The following SATL1 variants were observed in gnomAD, a reference collection of about 807,000 sequenced individuals.
SATL1 encodes the protein spermidine/spermine N(1)-acetyltransferase-like protein 1.
SATL1 carries 47 observed loss-of-function variants against 51.8 expected under a neutral mutation model. That is an observed-to-expected ratio of 0.91 (90% CI 0.72 to 1.16). The LOEUF (loss-of-function observed/expected upper bound fraction) is 1.16. SATL1 is among the 50% of genes most tolerant of loss of function. The probability of loss-of-function intolerance (pLI) is 0.00; values close to 1 mark genes in which losing one functional copy is unlikely to be tolerated. For missense variants in SATL1, 520 were observed against 526.4 expected (o/e 0.99, Z 0.12); for synonymous variants, 176 against 182.4 (o/e 0.97, Z 0.28).
chrX:85,119,037 C>T lies in SATL1; in HGVS notation c.-312-9757G>A, dbSNP rs764937515. Among the ~76,000 whole-genome samples the T allele has an allele frequency of 1.1e-4, 12 of 111,569 alleles. No homozygotes were observed. The South Asian group carries it at 4.1e-3, about 38-fold the overall frequency. The stretch of plus-strand genomic sequence containing the variant: ...TACTTATTAAACATTAAGTATGTGC[C>T]AAGCTGTTTGAGGCAATGCCAAACA... On this transcript the variant is annotated intron_variant, in intron 2 of 7. Transcript: ENST00000644105.
chrX:85,228,060 T>G (rs1483606401), intron 1 of SATL1, among the ~76,000 whole-genome samples: 2 of 111,130 alleles, frequency 1.8e-5, no homozygotes, highest in Non-Finnish European at 3.8e-5. Context: ...AGTTGGGTGA[T>G]GAGAGCATGG....
intron 2 of SATL1, among the ~76,000 whole-genome samples, chrX:85,174,599 A>G (rs2147736567): frequency 9.0e-6 from 1 of 111,522 alleles, no homozygotes; most frequent in African/African-American, 3.3e-5. Flanking sequence ...GTGGGATTAC[A>G]TGTGTAAGCC....
chrX:85,094,502 G>A (rs1924635422), intron 5 of SATL1, among the ~76,000 whole-genome samples: 1 of 111,676 alleles, frequency 9.0e-6, no homozygotes, highest in Non-Finnish European at 1.9e-5. Context: ...CCTGTGCTTT[G>A]GGAGGCCAAG....
At chrX:85,101,833 T>C (rs1279766654) in intron 4 of SATL1, among the ~76,000 whole-genome samples, 2 of 110,863 alleles carry the variant, frequency 1.8e-5, no homozygotes, top group African/African-American at 3.3e-5. Context: ...TGGAATGTTA[T>C]TCAGCTTTGA....
In SATL1 at chrX:85,109,286, A is replaced by G. The variant is rs1925197920; in HGVS notation, c.-312-6T>C. ...GGTTGTCATCTGGCCTTTCCCTGCC[A>G]AAAGGGGGGAAGTAAAGGGAAGACG... is the stretch of plus-strand genomic sequence containing the variant. On this transcript the variant is annotated splice_polypyrimidine_tract_variant and splice_region_variant and intron_variant, in intron 2 of 7. Transcript: ENST00000644105. The G allele has an allele frequency of 3.1e-6, 1 of 320,648 alleles. No individual in the cohort carries two copies. The highest frequency in any genetic ancestry group is 5.4e-5 in the East Asian group (1 of 18,388). 26.4% of individuals were successfully genotyped at this position (320,648 alleles called of 1,213,427 possible).
At chrX:85,187,686 T>TGA (rs1927343180) in intron 2 of SATL1, among the ~76,000 whole-genome samples, 1 of 111,798 alleles carries the variant, frequency 8.9e-6, no homozygotes, top group Non-Finnish European at 1.9e-5. Flanking sequence ...TCATGGTGTA[T>TGA]TACCTTTTTG....
intron 6 of SATL1, 117 bp from the exon 7 acceptor site, chrX:85,093,342 G>A (rs1924587148): frequency 1.4e-6 from 1 of 702,196 alleles, no homozygotes; most frequent in South Asian, 3.3e-5. Context: ...ATTATTAATA[G>A]CTTCTGGAAA....
intron 2 of SATL1, among the ~76,000 whole-genome samples, chrX:85,132,566 GT>G (rs1438377629): frequency 9.0e-6 from 1 of 111,183 alleles, no homozygotes. Flanking sequence ...TTTTTTCAAG[GT>G]TTTTAGCTTG....
intron 2 of SATL1, among the ~76,000 whole-genome samples, chrX:85,166,711 A>T (rs1303237534): frequency 1.8e-5 from 2 of 110,696 alleles, no homozygotes; most frequent in East Asian, 5.7e-4. Context: ...TATGGAAAAC[A>T]GTATGGAGAC....
intron 2 of SATL1, among the ~76,000 whole-genome samples, chrX:85,139,568 T>C (rs1382768066): frequency 9.0e-6 from 1 of 111,310 alleles, no homozygotes; most frequent in Admixed American, 9.6e-5. Flanking sequence ...CAAGAATTCA[T>C]TTAAGGCCAT....
At position 85,108,318 on chromosome X, in the gene SATL1, G is replaced by T; in HGVS notation, c.651C>A (p.Gly217=). ...VPSHPDMSQP[G]MSQQVPSQPG... ...GTTGGCTGGGGACTTGCTGGCTCAT[G>T]CCTGGTTGACTCATGTCTGGGTGGC... Residue 217 remains glycine, a synonymous_variant, in exon 3 of 8, where the codon GGC becomes GGA. Transcript: ENST00000644105. The T allele has an allele frequency of 5.0e-6, 6 of 1,211,573 alleles. No individual in the cohort carries two copies. The highest frequency in any genetic ancestry group is 6.7e-6 in the Non-Finnish European group (6 of 895,490).
intron 3 of SATL1, among the ~76,000 whole-genome samples, chrX:85,104,158 A>C (rs934327569): frequency 8.1e-5 from 9 of 111,582 alleles, no homozygotes; most frequent in African/African-American, 2.9e-4. Context: ...ATGAATGTTA[A>C]TTATCCAGAT....
intron 2 of SATL1, among the ~76,000 whole-genome samples, chrX:85,132,668 A>G (rs1177885674): frequency 8.9e-6 from 1 of 111,972 alleles, no homozygotes; most frequent in Non-Finnish European, 1.9e-5. Context: ...TGTCAAAGTC[A>G]TTCTCCATCC....
At chrX:85,162,019 C>T (rs929769427) in intron 2 of SATL1, among the ~76,000 whole-genome samples, 8 of 111,329 alleles carry the variant, frequency 7.2e-5, no homozygotes, top group Non-Finnish European at 1.5e-4. Flanking sequence ...ATCACTTGAA[C>T]CCATATAGTT....
At chrX:85,112,808 AATT>A (rs1340129694) in intron 2 of SATL1, among the ~76,000 whole-genome samples, 1 of 110,852 alleles carries the variant, frequency 9.0e-6, no homozygotes, top group Non-Finnish European at 1.9e-5. Context: ...AGCTGTGACC[AATT>A]ATTATGTTAG....
At chrX:85,099,122 A>G (rs1478424375) in intron 4 of SATL1, among the ~76,000 whole-genome samples, 3 of 111,747 alleles carry the variant, frequency 2.7e-5, no homozygotes, top group South Asian at 7.5e-4. Flanking sequence ...AAGGGGGTAT[A>G]GAAATATTAT....
chrX:85,131,469 C>T (rs1925798169), intron 2 of SATL1, among the ~76,000 whole-genome samples: 2 of 110,443 alleles, frequency 1.8e-5, no homozygotes, highest in South Asian at 7.7e-4. Context: ...AGGATTGCAA[C>T]CTCTGCTTTT....
intron 1 of SATL1, among the ~76,000 whole-genome samples, chrX:85,234,022 G>T (rs765667810): frequency 4.0e-4 from 45 of 111,223 alleles, no homozygotes; most frequent in African/African-American, 1.4e-3. Context: ...AAAGGTCACA[G>T]ATAAAGAAAG....
rs763934925 is a variant in SATL1, at chrX:85,154,914, A to G, written c.-312-45634T>C. On this transcript the variant is annotated intron_variant, in intron 2 of 7. Transcript: ENST00000644105. ...TACATTAAATTATAATTCCCCAGTG[A>G]CAAGATAATGTTACCCTCTATGCAG... is the stretch of plus-strand genomic sequence containing the variant. Among the ~76,000 whole-genome samples the G allele has an allele frequency of 3.0e-4, 34 of 112,032 alleles. No individual in the cohort carries two copies. The South Asian group carries it at 0.013, about 41-fold the overall frequency.
Sources: gnomAD v4.1 joint callset for allele counts (sites outside exome capture counted in the v4.1 genomes callset) on GRCh38, gnomAD v4.1.1 for gene constraint, MANE v1.5 for transcripts, NCBI Gene and HGNC (gene_info 2026-07-23, HGNC 2026-07-21) for gene names.